GCNT2: variants seen among roughly 807,000 people sequenced by gnomAD.
GCNT2 encodes glucosaminyl (N-acetyl) transferase 2 (I blood group).
In GCNT2, 34 loss-of-function variants were observed where a neutral mutation model predicts 34.2. That is an observed-to-expected ratio of 1.00 (90% CI 0.76 to 1.32). The LOEUF (loss-of-function observed/expected upper bound fraction) is 1.32, where lower values mean the gene tolerates loss of function less well. Ranked by LOEUF, GCNT2 falls within the 40% of genes most tolerant of loss-of-function variation. The pLI, the probability that GCNT2 is intolerant of heterozygous loss-of-function variation, is 0.00. For missense variants in GCNT2, 584 were observed against 489.4 expected, an observed-to-expected ratio of 1.19 and a Z score of -1.82; for synonymous variants, 212 against 188.0, an observed-to-expected ratio of 1.13 and a Z score of -1.04.
chr6:10,581,599 T>C (rs1764071127), intron 3 of GCNT2: 2 of 209,452 alleles, frequency 9.5e-6, no homozygotes, highest in African/African-American at 4.7e-5. Context: ...TACTGCTGTT[T>C]TGAACTATAA....
chr6:10,563,777 A>AAAAAAAAAAT (rs1554130891), intron 3 of GCNT2, among the ~76,000 whole-genome samples: 1 of 24,708 alleles, frequency 4.0e-5, no homozygotes, highest in African/African-American at 1.3e-4. Flanking sequence ...AAAAAAAAAA[A>AAAAAAAAAAT]ATATATATAT....
intron 3 of GCNT2, among the ~76,000 whole-genome samples, chr6:10,580,071 C>T (rs1401918693): frequency 6.6e-6 from 1 of 152,128 alleles, no homozygotes; most frequent in Non-Finnish European, 1.5e-5. Flanking sequence ...CAGGCTAAGC[C>T]TCAGAGGGAT....
intron 3 of GCNT2, among the ~76,000 whole-genome samples, chr6:10,617,043 C>T (rs113755706): frequency 6.0e-4 from 91 of 152,366 alleles, no homozygotes; most frequent in African/African-American, 2.0e-3. Flanking sequence ...CCTGCCAGTC[C>T]CACTCCGTGC....
At position 10,531,958 on chromosome 6, in the gene GCNT2, T is replaced by C. The variant is rs371853499; in HGVS notation, c.925+2122T>C. Among the ~76,000 whole-genome samples, 5 of 151,174 alleles carry C rather than the reference T, an allele frequency of 3.3e-5. No individual in the cohort carries two copies. In the East Asian group the frequency reaches 5.9e-4, roughly 18 times the overall value. On this transcript the variant is annotated intron_variant, in intron 3 of 4. Transcript: ENST00000495262. ...GAAAAGACTTGAAGAGGGATCGGTG[T>C]CTTTACCTAATTAAAAGATTTGCTC... is the stretch of plus-strand genomic sequence containing the variant.
At chr6:10,602,147 T>G (rs1765117419) in intron 3 of GCNT2, among the ~76,000 whole-genome samples, 1 of 152,198 alleles carries the variant, frequency 6.6e-6, no homozygotes, top group Non-Finnish European at 1.5e-5. Flanking sequence ...GTCTACTCTA[T>G]AACTTTTGTA....
At chr6:10,584,217 G>A (rs1311092731) in intron 3 of GCNT2, among the ~76,000 whole-genome samples, 3 of 152,048 alleles carry the variant, frequency 2.0e-5, no homozygotes, top group Admixed American at 2.0e-4. Context: ...TGTGAGTAAA[G>A]GAATCTGTGT....
intron 3 of GCNT2, among the ~76,000 whole-genome samples, chr6:10,542,260 G>C (rs539284223): frequency 5.3e-5 from 8 of 152,226 alleles, no homozygotes; most frequent in Non-Finnish European, 4.4e-5. Context: ...TTTCTAGAAG[G>C]CTTGCCAATC....
chr6:10,621,721 T>C, intron 4 of GCNT2: 1 of 398,376 alleles, frequency 2.5e-6, no homozygotes, highest in South Asian at 2.1e-5. Context: ...CTTTCTTTCT[T>C]TCTTTAGAGA....
intron 3 of GCNT2, chr6:10,581,811 C>G (rs1468950065): frequency 2.0e-6 from 2 of 984,870 alleles, no homozygotes; most frequent in Non-Finnish European, 2.4e-6. Context: ...CTTCTGTTCT[C>G]CACAAGACCT....
intron 3 of GCNT2, among the ~76,000 whole-genome samples, chr6:10,566,456 GC>G (rs1458801206): frequency 1.3e-5 from 2 of 152,076 alleles, no homozygotes; most frequent in African/African-American, 4.8e-5. Flanking sequence ...ACCATGCCCA[GC>G]TAATTTTTAA....
chr6:10,553,413 G>C (rs567853991), intron 3 of GCNT2, among the ~76,000 whole-genome samples: 51 of 152,170 alleles, frequency 3.4e-4, no homozygotes, highest in Admixed American at 1.4e-3. Flanking sequence ...GTTTTCCCCA[G>C]GTCTTTCGTA....
intron 3 of GCNT2, among the ~76,000 whole-genome samples, chr6:10,562,498 C>T (rs564384042): frequency 1.3e-5 from 2 of 151,872 alleles, no homozygotes; most frequent in Admixed American, 1.3e-4. Context: ...CGGGAGGATC[C>T]CTTGAGCCCA....
chr6:10,615,249 A>C (rs1248347828), intron 3 of GCNT2, among the ~76,000 whole-genome samples: 1 of 152,200 alleles, frequency 6.6e-6, no homozygotes, highest in Non-Finnish European at 1.5e-5. Context: ...TTGATCACAC[A>C]CAAGAATCTT....
intron 3 of GCNT2, among the ~76,000 whole-genome samples, chr6:10,602,057 G>T (rs144290325): frequency 6.6e-6 from 1 of 152,110 alleles, no homozygotes; most frequent in East Asian, 1.9e-4. Flanking sequence ...GAGGGTACGA[G>T]GGCAAACCAC....
intron 3 of GCNT2, among the ~76,000 whole-genome samples, chr6:10,574,222 G>T (rs1017270345): frequency 6.6e-6 from 1 of 152,118 alleles, no homozygotes; most frequent in Non-Finnish European, 1.5e-5. Flanking sequence ...TCTCGGACTG[G>T]CCAAGAGAAG....
At chr6:10,533,556 G>T (rs1761599330) in intron 3 of GCNT2, among the ~76,000 whole-genome samples, 1 of 151,904 alleles carries the variant, frequency 6.6e-6, no homozygotes, top group South Asian at 2.1e-4. Context: ...GGGGAGCCGA[G>T]GTGGGCGGAT....
At chr6:10,526,008 A>G (rs1296687043) in intron 1 of GCNT2, among the ~76,000 whole-genome samples, 1 of 152,252 alleles carries the variant, frequency 6.6e-6, no homozygotes, top group Admixed American at 6.5e-5. Context: ...AGCATAATTC[A>G]GCATTGACAT....
At chr6:10,575,961 T>C (rs537664666) in intron 3 of GCNT2, among the ~76,000 whole-genome samples, 3 of 152,290 alleles carry the variant, frequency 2.0e-5, no homozygotes, top group South Asian at 4.1e-4. Flanking sequence ...CTGACTCTCT[T>C]TTCAGACTCA....
At chr6:10,539,180 CTTTTTTTTTTTT>C (rs71548847) in intron 3 of GCNT2, among the ~76,000 whole-genome samples, 1 of 65,304 alleles carries the variant, frequency 1.5e-5, no homozygotes, top group Non-Finnish European at 2.8e-5. Flanking sequence ...CTCACCGTCT[CTTTTTTTTTTTT>C]TTTTTTTTTT....
Sources: allele counts gnomAD v4.1 joint callset (sites outside exome capture counted in the v4.1 genomes callset), GRCh38; gene constraint gnomAD v4.1.1; transcripts MANE v1.5; gene names NCBI Gene and HGNC (gene_info 2026-07-23, HGNC 2026-07-21).